The following PCDH11X variants were observed in gnomAD, a reference collection of about 807,000 sequenced individuals.
PCDH11X encodes protocadherin-11 X-linked.
In PCDH11X, 18 loss-of-function variants were observed where a neutral mutation model predicts 53.3. The observed-to-expected ratio is 0.34, with a 90% CI of 0.23 to 0.50. The LOEUF (loss-of-function observed/expected upper bound fraction) is 0.50, where lower values mean the gene tolerates loss of function less well. Among genes scored for constraint, PCDH11X ranks in the 20% least tolerant of loss-of-function variants. The pLI, the probability that PCDH11X is intolerant of heterozygous loss-of-function variation, is 0.98. For synonymous variants in PCDH11X, 279 were observed against 393.3 expected (o/e 0.71, Z 3.44); for missense variants, 570 against 1,032.4 (o/e 0.55, Z 6.14).
At chrX:91,829,035 C>T (rs1937019413) in intron 4 of PCDH11X, among the ~76,000 whole-genome samples, 1 of 110,060 alleles carries the variant, frequency 9.1e-6, no homozygotes, top group Non-Finnish European at 1.9e-5. Context: ...TTAAGTCATG[C>T]TAGAATATGC....
chrX:91,915,025 C>G (rs1456766981), intron 6 of PCDH11X, among the ~76,000 whole-genome samples: 2 of 108,912 alleles, frequency 1.8e-5, no homozygotes, highest in Non-Finnish European at 1.9e-5. Context: ...AAAGGAAAAC[C>G]TATCAAATTA....
intron 6 of PCDH11X, among the ~76,000 whole-genome samples, chrX:92,186,900 T>TA (rs2148300600): frequency 8.9e-6 from 1 of 112,117 alleles, no homozygotes; most frequent in African/African-American, 3.2e-5. Flanking sequence ...TTGATCATTA[T>TA]ATGTAGTTTG....
At chrX:92,366,431 C>T (rs968102058) in intron 8 of PCDH11X, among the ~76,000 whole-genome samples, 1 of 110,661 alleles carries the variant, frequency 9.0e-6, no homozygotes, top group African/African-American at 3.3e-5. Flanking sequence ...AAAATCTTTT[C>T]ATAAAACCGG....
At chrX:92,008,446 C>T (rs1289474203) in intron 6 of PCDH11X, among the ~76,000 whole-genome samples, 3 of 110,455 alleles carry the variant, frequency 2.7e-5, no homozygotes, top group African/African-American at 6.6e-5. Flanking sequence ...CTTATTTCAG[C>T]GCCTCACGAT....
At chrX:92,196,836 G>A (rs936697079) in intron 6 of PCDH11X, among the ~76,000 whole-genome samples, 20 of 110,529 alleles carry the variant, frequency 1.8e-4, no homozygotes, top group African/African-American at 5.6e-4. Context: ...GATAGAGGTG[G>A]AGAGAGAATG....
At chrX:91,812,659 G>A (rs1022612651) in intron 4 of PCDH11X, among the ~76,000 whole-genome samples, 5 of 111,196 alleles carry the variant, frequency 4.5e-5, no homozygotes, top group Non-Finnish European at 9.5e-5. Context: ...GACTCTATGA[G>A]TACTTCTTAT....
chrX:92,394,702 T>C (rs1195638851), intron 9 of PCDH11X, among the ~76,000 whole-genome samples: 1 of 112,060 alleles, frequency 8.9e-6, no homozygotes, highest in East Asian at 2.8e-4. Flanking sequence ...AAAGTCAGTA[T>C]AATCAGTCAT....
intron 6 of PCDH11X, among the ~76,000 whole-genome samples, chrX:92,042,634 CTTTTTTTT>C (rs3865918): frequency 1.7e-5 from 1 of 59,170 alleles, no homozygotes; most frequent in African/African-American, 7.0e-5. Flanking sequence ...AAAGTTGTTG[CTTTTTTTT>C]TTTTTTTTTT....
intron 10 of PCDH11X, among the ~76,000 whole-genome samples, chrX:92,574,986 T>G (rs967151386): frequency 9.0e-5 from 10 of 110,820 alleles, no homozygotes; most frequent in Middle Eastern, 4.8e-3. Flanking sequence ...ATTATATGAC[T>G]GTAAAAGTGC....
At chrX:92,499,046 A>G in intron 10 of PCDH11X, among the ~76,000 whole-genome samples, 1 of 94,753 alleles carries the variant, frequency 1.1e-5, no homozygotes, top group African/African-American at 3.7e-5. Flanking sequence ...AAATCCGCAG[A>G]CAGTTTTATT....
intron 6 of PCDH11X, among the ~76,000 whole-genome samples, chrX:92,173,934 G>T (rs2065862483): frequency 1.1e-5 from 1 of 88,005 alleles, no homozygotes; most frequent in South Asian, 7.3e-4. Context: ...GCAGTGAGTC[G>T]TGATAGCACC....
intron 10 of PCDH11X, among the ~76,000 whole-genome samples, chrX:92,484,409 C>A (rs1374909964): frequency 9.6e-6 from 1 of 103,863 alleles, no homozygotes; most frequent in East Asian, 3.0e-4. Context: ...TTTAGATTCC[C>A]TTCAGCAGTG....
At chrX:91,950,589 GAT>G (rs72440976) in intron 6 of PCDH11X, among the ~76,000 whole-genome samples, 2,704 of 99,349 alleles carry the variant, frequency 0.027, 100 homozygotes, top group African/African-American at 0.091. Flanking sequence ...ATATAAATGT[GAT>G]ATATATATAT....
rs749260418 is a variant in PCDH11X, at chrX:92,447,675, C to T, written c.3344-20624C>T. On this transcript the variant is annotated intron_variant, in intron 9 of 10. Transcript: ENST00000682573. Reference sequence around the variant, plus strand: ...GCAATGTGGAAGGGAAATGTGAGGTCGGAGCCTGCACACAGAATCCCTACT... The same window carrying T: ...GCAATGTGGAAGGGAAATGTGAGGTTGGAGCCTGCACACAGAATCCCTACT... 3.6e-3 allele frequency among the ~76,000 whole-genome samples: 400 copies of T among 112,575 alleles called. 1 individual carries two copies. Among genetic ancestry groups the T allele is most frequent in the African/African-American group, 0.012 (367 of 31,080 alleles).
intron 1 of PCDH11X, among the ~76,000 whole-genome samples, chrX:91,784,954 A>T (rs1333293281): frequency 9.1e-6 from 1 of 110,150 alleles, no homozygotes; most frequent in Non-Finnish European, 1.9e-5. Flanking sequence ...TTGCTGTTTT[A>T]GTTCACACAA....
intron 8 of PCDH11X, among the ~76,000 whole-genome samples, chrX:92,265,508 TA>T (rs772923242): frequency 1.8e-5 from 2 of 111,109 alleles, no homozygotes; most frequent in East Asian, 2.8e-4. Context: ...GTAAGCATAA[TA>T]AAAAAAACAT....
rs1228078547 is a variant in PCDH11X, at chrX:92,622,972, ATAT to A, written c.*4035_*4037del. 1 of 110,995 alleles carries A rather than the reference ATAT, an allele frequency of 9.0e-6. No homozygotes were observed. The highest frequency in any genetic ancestry group is 1.9e-5 in the Non-Finnish European group (1 of 52,804). 9.1% of individuals were successfully genotyped at this position (110,995 alleles called of 1,213,427 possible). A position where few individuals can be genotyped will look rare whatever the true frequency, so the allele number is the denominator to read the frequency against. On this transcript the variant is annotated 3_prime_UTR_variant, in exon 11 of 11. Transcript: ENST00000682573. ...GAAATTTATACTATCCCTGCTTAAA[ATAT>A]TAAGATTTTTATGAAATATGTATTT...
chrX:91,908,334 AAAAC>A (rs1941258289), intron 6 of PCDH11X, among the ~76,000 whole-genome samples: 1 of 112,071 alleles, frequency 8.9e-6, no homozygotes, highest in Admixed American at 9.5e-5. Context: ...TACCAAGGGC[AAAAC>A]AAACAACGCC....
intron 6 of PCDH11X, among the ~76,000 whole-genome samples, chrX:92,164,786 C>T (rs1447332575): frequency 1.8e-5 from 2 of 110,568 alleles, no homozygotes; most frequent in Non-Finnish European, 3.8e-5. Flanking sequence ...GGGAGGAACA[C>T]GGTGGGAGGT....
Sources: gnomAD v4.1 joint callset for allele counts (sites outside exome capture counted in the v4.1 genomes callset) on GRCh38, gnomAD v4.1.1 for gene constraint, MANE v1.5 for transcripts, NCBI Gene and HGNC (gene_info 2026-07-23, HGNC 2026-07-21) for gene names.